PHF19: variants seen among roughly 807,000 people sequenced by gnomAD.
The protein encoded by PHF19 is PHD finger protein 19.
Under a neutral mutation model 79.8 loss-of-function variants are expected in PHF19, and 21 were observed. That is an observed-to-expected ratio of 0.26 (90% CI 0.19 to 0.38). PHF19 has a LOEUF of 0.38. Among genes scored for constraint, PHF19 ranks in the 10% least tolerant of loss-of-function variants. PHF19 has a pLI of 1.00. For synonymous variants in PHF19, 273 were observed against 296.3 expected (o/e 0.92, Z 0.81); for missense variants, 445 against 744.2 (o/e 0.60, Z 4.68).
chr9:120,883,775 A>C (rs1007729749), intron 1 of PHF19, among the ~76,000 whole-genome samples: 1 of 151,858 alleles, frequency 6.6e-6, no homozygotes, highest in African/African-American at 2.4e-5. Context: ...AAAAAAAAAA[A>C]AAAAAATAGA....
intron 3 of PHF19, among the ~76,000 whole-genome samples, chr9:120,871,221 T>A (rs971094163): frequency 2.6e-5 from 4 of 152,162 alleles, no homozygotes; most frequent in African/African-American, 9.7e-5. Flanking sequence ...ATAATGAAAC[T>A]CCATCTTCTC....
At chr9:120,873,014 C>A (rs1043323495) in intron 3 of PHF19, among the ~76,000 whole-genome samples, 2 of 152,152 alleles carry the variant, frequency 1.3e-5, no homozygotes, top group Non-Finnish European at 1.5e-5. Flanking sequence ...TCCCAACCAC[C>A]CTATGAAGCC....
Position 120,858,166 on chromosome 9 carries a change from A to G in PHF19, c.1521T>C (p.Ala507=), listed in dbSNP as rs2045401681. 4 of 1,612,754 alleles carry G rather than the reference A, an allele frequency of 2.5e-6. No homozygotes were observed. The highest frequency in any genetic ancestry group is 3.4e-6 in the Non-Finnish European group (4 of 1,178,968). Residue 507 remains alanine, a synonymous_variant, in exon 15 of 15, where the codon GCT becomes GCC. Coordinates refer to ENST00000373896, the MANE Select transcript of PHF19 (RefSeq NM_015651.3). ...RCPSDSSAEG[A]SVPERPDEGI... ...CTTCGTCTGGCCGCTCGGGGACTGA[A>G]GCCCCCTCTGCACTGCTGTCCGAGG...
At chr9:120,872,659 T>C (rs1420848107) in intron 3 of PHF19, among the ~76,000 whole-genome samples, 2 of 152,018 alleles carry the variant, frequency 1.3e-5, no homozygotes, top group Non-Finnish European at 2.9e-5. Context: ...TCTCTTATTG[T>C]AACAAATTCT....
rs1398027455 is a variant in PHF19 at position 120,856,820 on chromosome 9, G to A, written c.*1124C>T. ...CCTATGGGACCAATGCTGGTTGATG[G>A]GCTGAAAGAAGGAGCGGCCACTGAG... On this transcript the variant is annotated 3_prime_UTR_variant, in exon 15 of 15. Coordinates refer to ENST00000373896, the MANE Select transcript of PHF19 (RefSeq NM_015651.3). 2 of 152,720 alleles carry A rather than the reference G, an allele frequency of 1.3e-5. No individual in the cohort carries two copies. The highest frequency in any genetic ancestry group is 2.9e-5 in the Non-Finnish European group (2 of 68,106). The allele number at this position is 152,720 out of a possible 1,614,324, so 9.5% of individuals were successfully genotyped here. A position where few individuals can be genotyped will look rare whatever the true frequency, so the allele number is the denominator to read the frequency against.
At chr9:120,881,486 GA>G (rs1357906253), upstream of PHF19, among the ~76,000 whole-genome samples, 6 of 151,310 alleles carry the variant, frequency 4.0e-5, no homozygotes, top group African/African-American at 9.7e-5. Context: ...TTATTTCTTA[GA>G]AAAAAAAATT....
At chr9:120,902,207 G>T in the PHF19 span, among the ~76,000 whole-genome samples, 274 of 152,234 alleles carry the variant, frequency 1.8e-3, 2 homozygotes, top group African/African-American at 6.1e-3. Flanking sequence ...TCATCCTGAT[G>T]CTCAGGCTTT....
Position 120,890,704 on chromosome 9 carries a change from C to T in PHF19, c.42+4084G>A, listed in dbSNP as rs181959067. Among the ~76,000 whole-genome samples, 646 of 152,208 alleles carry T rather than the reference C, an allele frequency of 4.2e-3. 3 individuals carry two copies. Among genetic ancestry groups the T allele is most frequent in the Non-Finnish European group, 6.2e-3 (425 of 68,008 alleles). ...GGTTTTTGTGAGCTTTAACCGAAGC[C>T]GCTCATCAGAATGTCAGCTCTCCAA... On this transcript the variant is annotated intron_variant, in intron 1 of 14. Transcript: ENST00000616568.
chr9:120,901,426 C>T, the PHF19 span, among the ~76,000 whole-genome samples: 1 of 152,260 alleles, frequency 6.6e-6, no homozygotes, highest in East Asian at 1.9e-4. Flanking sequence ...AATTCCTGAC[C>T]TCAGATGATC....
At chr9:120,872,566 A>G (rs186734753) in intron 3 of PHF19, among the ~76,000 whole-genome samples, 54 of 152,192 alleles carry the variant, frequency 3.5e-4, no homozygotes, top group Admixed American at 3.5e-3. Flanking sequence ...ACTGGCCACA[A>G]TTTCTTGGAG....
At chr9:120,882,791 G>A (rs1166237353) in intron 1 of PHF19, among the ~76,000 whole-genome samples, 5 of 139,972 alleles carry the variant, frequency 3.6e-5, no homozygotes, top group African/African-American at 1.1e-4. Context: ...GCAGTGAGCC[G>A]ATATTGTGCC....
Position 120,870,359 on chromosome 9 carries a change from C to T in PHF19, c.364+84G>A. 4 of 829,332 alleles carry T rather than the reference C, an allele frequency of 4.8e-6. No individual in the cohort carries two copies. The East Asian group carries it at 9.7e-5, about 20-fold the overall frequency. 51.4% of individuals were successfully genotyped at this position (829,332 alleles called of 1,614,324 possible). On this transcript the variant is annotated intron_variant, in intron 4 of 14. Coordinates refer to ENST00000373896, the MANE Select transcript of PHF19 (RefSeq NM_015651.3). This position sits in a 1 kb window ranked among gnomAD's most constrained non-coding sequence, Gnocchi z 4.4. Reference sequence around the variant, plus strand: ...AACAGGAAGCCAGCTGAGGCCCCAACAGGCTGCAGCAGTACCCGTCAGGGG... The same window carrying T: ...AACAGGAAGCCAGCTGAGGCCCCAATAGGCTGCAGCAGTACCCGTCAGGGG...
intron 9 of PHF19, among the ~76,000 whole-genome samples, chr9:120,864,984 C>T (rs2045656215): frequency 6.6e-6 from 1 of 151,612 alleles, no homozygotes; most frequent in African/African-American, 2.4e-5. Flanking sequence ...TACTAAAAAC[C>T]AACTCTACGT....
upstream of PHF19, among the ~76,000 whole-genome samples, chr9:120,878,589 T>C (rs1348865211): frequency 6.6e-6 from 1 of 152,170 alleles, no homozygotes; most frequent in Non-Finnish European, 1.5e-5. Context: ...CCTTGGAGCA[T>C]GATCTGTGCA....
rs1400519750 is a variant in PHF19, at chr9:120,870,791, GT to G, written c.269-254del. ...TGAGGGGGGGATTAAACCCATGGCTGTTTGACATCAAACCCTTTGTTCTTTT... is the reference window on the plus strand; with the variant it reads ...TGAGGGGGGGATTAAACCCATGGCTGTTGACATCAAACCCTTTGTTCTTTT... On this transcript the variant is annotated intron_variant, in intron 3 of 14. Coordinates refer to ENST00000373896, the MANE Select transcript of PHF19 (RefSeq NM_015651.3). This position sits in a 1 kb window ranked among gnomAD's most constrained non-coding sequence, Gnocchi z 4.4. Among the ~76,000 whole-genome samples, 1 of 152,206 alleles carries G rather than the reference GT, an allele frequency of 6.6e-6. No homozygotes were observed. Among genetic ancestry groups the G allele is most frequent in the Admixed American group, 6.5e-5 (1 of 15,288 alleles).
chr9:120,867,848 C>T (rs144736251), intron 6 of PHF19, among the ~76,000 whole-genome samples: 4 of 152,248 alleles, frequency 2.6e-5, no homozygotes, highest in East Asian at 1.9e-4. Flanking sequence ...GGGCAGAGAC[C>T]CTCCCTCTTA....
rs932918932 is a variant in PHF19 at position 120,870,526 on chromosome 9, C to T, written c.281G>A (p.Gly94Glu). ...WKDIQHAGVPGEEPKCNICLG... is the reference protein window; with the variant it reads ...WKDIQHAGVPEEEPKCNICLG... ...GCAGATGTTGCACTTGGGCTCCTCT[C>T]CTGGAACACCGGCTGAAAGAGAGGG... The change falls in exon 4 of 15, where the codon GGA (glycine) becomes GAA (glutamate). Residue 94 changes from glycine to glutamate, a missense_variant. This residue lies in a region of PHF19 where 167 missense variants were observed against 375.8 expected (regional missense o/e 0.44). Coordinates refer to ENST00000373896, the MANE Select transcript of PHF19 (RefSeq NM_015651.3). This position sits in a 1 kb window ranked among gnomAD's most constrained non-coding sequence, Gnocchi z 4.4. 2 of 1,608,990 alleles carry T rather than the reference C, an allele frequency of 1.2e-6. No individual in the cohort carries two copies. Among genetic ancestry groups the T allele is most frequent in the Non-Finnish European group, 8.5e-7 (1 of 1,175,268 alleles).
chr9:120,858,393 G>T, intron 14 of PHF19, 107 bp from the exon 15 acceptor site: 1 of 783,868 alleles, frequency 1.3e-6, no homozygotes, highest in South Asian at 2.1e-5. Context: ...GAAGAGAAAA[G>T]CGCTGAACAG....
rs375447263 is a variant in PHF19, at chr9:120,873,998, T to C, written c.249A>G (p.Leu83=). 32 of 1,600,878 alleles carry C rather than the reference T, an allele frequency of 2.0e-5. No homozygotes were observed. Among genetic ancestry groups the C allele is most frequent in the African/African-American group, 1.7e-4 (13 of 74,730 alleles). The change falls in exon 3 of 15, where the codon CTA becomes CTG. Residue 83 remains leucine, a synonymous_variant. Coordinates refer to ENST00000373896, the MANE Select transcript of PHF19 (RefSeq NM_015651.3). ...ACTCACCATGCTGTATGTCCTTCCA[T>C]AGGACCCAGTATTTGGAATTATCTT... ...TFEDNSKYWV[L]WKDIQHAGVP...
Sources: allele counts gnomAD v4.1 joint callset (sites outside exome capture counted in the v4.1 genomes callset), GRCh38; gene constraint gnomAD v4.1.1; regional missense constraint gnomAD v4.1.1; non-coding constraint Gnocchi (gnomAD v3.1); transcripts MANE v1.5; gene names NCBI Gene and HGNC (gene_info 2026-07-23, HGNC 2026-07-21).